SPAG16: variants seen among roughly 807,000 people sequenced by gnomAD.
SPAG16 encodes sperm associated antigen 16, also known as sperm-associated antigen 16 protein.
In SPAG16, 86 loss-of-function variants were observed where a neutral mutation model predicts 80.4. The ratio of observed to expected loss-of-function variants is 1.07; its 90% confidence interval spans 0.90 to 1.28. SPAG16 has a LOEUF of 1.28. Ranked by LOEUF, SPAG16 falls within the 50% of genes most tolerant of loss-of-function variation. The pLI is 0.00. For synonymous variants in SPAG16, 294 were observed against 265.9 expected, an observed-to-expected ratio of 1.11 and a Z score of -1.03; for missense variants, 870 against 765.3, an observed-to-expected ratio of 1.14 and a Z score of -1.61.
intron 15 of SPAG16, among the ~76,000 whole-genome samples, chr2:214,158,422 G>A (rs1483919905): frequency 1.3e-5 from 2 of 151,904 alleles, no homozygotes; most frequent in African/African-American, 4.8e-5. Flanking sequence ...TGCTCAGCAA[G>A]ACTAAATTGT....
At chr2:213,792,860 C>T (rs1351977291) in intron 10 of SPAG16, among the ~76,000 whole-genome samples, 1 of 151,990 alleles carries the variant, frequency 6.6e-6, no homozygotes, top group Non-Finnish European at 1.5e-5. Flanking sequence ...TTCTTTTCTT[C>T]AATCCCAGGA....
chr2:213,708,265 T>C lies in SPAG16; in HGVS notation c.1071-154220T>C, dbSNP rs570479815. ...AAATGCTCCCATTAGGTATGTCATT[T>C]TCCCCTTCTAACATGCCACCTAAAA... On this transcript the variant is annotated intron_variant, in intron 10 of 15. Coordinates refer to ENST00000331683, the MANE Select transcript of SPAG16 (RefSeq NM_024532.5). Among the ~76,000 whole-genome samples the C allele has an allele frequency of 5.3e-5, 8 of 152,354 alleles. No individual in the cohort carries two copies. The South Asian group carries it at 1.4e-3, about 28-fold the overall frequency.
intron 5 of SPAG16, among the ~76,000 whole-genome samples, chr2:213,332,961 GA>G (rs2124884126): frequency 6.6e-6 from 1 of 152,192 alleles, no homozygotes; most frequent in South Asian, 2.1e-4. Context: ...TCTGAAACAT[GA>G]AAAGGATGCC....
At position 214,011,485 on chromosome 2, in the gene SPAG16, TG is replaced by T. The variant is rs756781925; in HGVS notation, c.1401-2465del. On this transcript the variant is annotated intron_variant, in intron 12 of 15. Transcript: ENST00000331683. ...CAAAGGGCTATGAATTAAATATTTT[TG>T]ATTTGTGGACCATATTATCTCTGTT... Among the ~76,000 whole-genome samples, 13 of 152,238 alleles carry T rather than the reference TG, an allele frequency of 8.5e-5. 1 individual carries two copies. The East Asian group carries it at 2.5e-3, about 29-fold the overall frequency.
intron 10 of SPAG16, among the ~76,000 whole-genome samples, chr2:213,618,753 A>G (rs2061679289): frequency 6.6e-6 from 1 of 152,094 alleles, no homozygotes; most frequent in Admixed American, 6.5e-5. Flanking sequence ...AAAAATTTAA[A>G]AAAAGGAAAA....
chr2:214,317,978 A>G (rs1293295265), intron 15 of SPAG16, among the ~76,000 whole-genome samples: 5 of 152,252 alleles, frequency 3.3e-5, no homozygotes, highest in Non-Finnish European at 7.3e-5. Flanking sequence ...TCTGTTGGCA[A>G]AAAAGAATTA....
intron 10 of SPAG16, among the ~76,000 whole-genome samples, chr2:213,769,235 C>G (rs1400773490): frequency 2.0e-5 from 3 of 152,104 alleles, no homozygotes; most frequent in African/African-American, 7.2e-5. Flanking sequence ...TTTTATATTA[C>G]CAATTCTATC....
chr2:214,120,060 C>T (rs372535937), intron 14 of SPAG16, among the ~76,000 whole-genome samples: 89 of 151,884 alleles, frequency 5.9e-4, no homozygotes, highest in African/African-American at 2.1e-3. Flanking sequence ...TCAATATGAG[C>T]ACTTTTGTCT....
chr2:213,431,001 A>G (rs2070259160), intron 9 of SPAG16, among the ~76,000 whole-genome samples: 1 of 152,234 alleles, frequency 6.6e-6, no homozygotes, highest in African/African-American at 2.4e-5. Context: ...TGAAAAAGAA[A>G]TAGTTTTTCT....
intron 10 of SPAG16, among the ~76,000 whole-genome samples, chr2:213,564,952 A>C (rs2059712212): frequency 6.6e-6 from 1 of 152,186 alleles, no homozygotes; most frequent in Non-Finnish European, 1.5e-5. Context: ...AAAATATTAT[A>C]ATCACAAAAA....
In SPAG16 at chr2:213,297,292, G is replaced by C. The variant is rs777795597; in HGVS notation, c.214G>C (p.Gly72Arg). The C allele has an allele frequency of 1.2e-6, 2 of 1,612,490 alleles. No individual in the cohort carries two copies. The highest frequency in any genetic ancestry group is 1.7e-6 in the Non-Finnish European group (2 of 1,179,060). Reference sequence around the variant, plus strand: ...AGATGACAATTTTAGCATCCCAGAAGGTGAAGAAGATCTGGCAAAAGCAAT... The same window carrying C: ...AGATGACAATTTTAGCATCCCAGAACGTGAAGAAGATCTGGCAAAAGCAAT... ...IPDDNFSIPE[G>R]EEDLAKAIQM... is the part of the protein sequence containing the mutation. Residue 72 changes from glycine (G) to arginine (R), a missense_variant, in exon 3 of 16, where the codon GGT (glycine) becomes CGT (arginine). Coordinates refer to ENST00000331683, the MANE Select transcript of SPAG16 (RefSeq NM_024532.5).
At chr2:214,014,420 T>C (rs1477228201) in intron 13 of SPAG16, among the ~76,000 whole-genome samples, 1 of 152,210 alleles carries the variant, frequency 6.6e-6, no homozygotes, top group Non-Finnish European at 1.5e-5. Flanking sequence ...AAACGAGAGA[T>C]TATTTTGATG....
intron 15 of SPAG16, among the ~76,000 whole-genome samples, chr2:214,217,913 T>C (rs900378087): frequency 1.8e-4 from 28 of 152,182 alleles, no homozygotes. Flanking sequence ...CTCCAACCCT[T>C]TTTATACTCT....
At chr2:213,859,663 G>A (rs1421039961) in intron 10 of SPAG16, among the ~76,000 whole-genome samples, 1 of 152,178 alleles carries the variant, frequency 6.6e-6, no homozygotes, top group African/African-American at 2.4e-5. Context: ...GAGTCTTAAA[G>A]CCAAGCCATC....
intron 8 of SPAG16, among the ~76,000 whole-genome samples, chr2:213,368,439 C>A (rs2125155052): frequency 6.6e-6 from 1 of 152,258 alleles, no homozygotes; most frequent in East Asian, 1.9e-4. Context: ...CTATTTATGA[C>A]AAACCCACAG....
intron 5 of SPAG16, among the ~76,000 whole-genome samples, chr2:213,322,704 G>A (rs1357579967): frequency 1.3e-5 from 2 of 152,146 alleles, no homozygotes; most frequent in African/African-American, 2.4e-5. Context: ...GTAGTGGTAA[G>A]TGCTATGAAG....
intron 15 of SPAG16, among the ~76,000 whole-genome samples, chr2:214,283,334 A>G (rs1693106678): frequency 6.6e-6 from 1 of 152,128 alleles, no homozygotes; most frequent in Non-Finnish European, 1.5e-5. Context: ...AGCAACAACC[A>G]CCACAAAAAT....
At chr2:213,853,200 A>T (rs577980482) in intron 10 of SPAG16, among the ~76,000 whole-genome samples, 1 of 152,360 alleles carries the variant, frequency 6.6e-6, no homozygotes, top group South Asian at 2.1e-4. Flanking sequence ...AGACAAGGGT[A>T]TCTAATTAGT....
chr2:214,237,198 G>C (rs976338402), intron 15 of SPAG16, among the ~76,000 whole-genome samples: 1 of 152,006 alleles, frequency 6.6e-6, no homozygotes, highest in East Asian at 1.9e-4. Flanking sequence ...TTTAGGGTCT[G>C]TTCCTATAAT....
Sources: gnomAD v4.1 joint callset for allele counts (sites outside exome capture counted in the v4.1 genomes callset) on GRCh38, gnomAD v4.1.1 for gene constraint, MANE v1.5 for transcripts, NCBI Gene and HGNC (gene_info 2026-07-23, HGNC 2026-07-21) for gene names.